CLPTM1L: variants seen among roughly 807,000 people sequenced by gnomAD.
CLPTM1L encodes the protein lipid scramblase CLPTM1L.
CLPTM1L carries 38 observed loss-of-function variants against 70.9 expected under a neutral mutation model. The observed-to-expected ratio is 0.54, with a 90% confidence interval of 0.41 to 0.70. CLPTM1L has a LOEUF of 0.70. Among genes scored for constraint, CLPTM1L ranks in the 30% least tolerant of loss-of-function variants. The probability of loss-of-function intolerance (pLI) is 0.00; values close to 1 mark genes in which losing one functional copy is unlikely to be tolerated. For synonymous variants in CLPTM1L, 339 were observed against 299.9 expected, an observed-to-expected ratio of 1.13 and a Z score of -1.35; for missense variants, 652 against 705.9, an observed-to-expected ratio of 0.92 and a Z score of 0.87.
rs200514830 is a variant in CLPTM1L, at chr5:1,335,098, C to G, written c.755G>C (p.Trp252Ser). 6.2e-7 allele frequency: 1 copy of G among 1,613,620 alleles called. No individual in the cohort carries two copies. Among genetic ancestry groups the G allele is most frequent in the Non-Finnish European group, 8.5e-7 (1 of 1,180,022 alleles). ...DKVSLGRLRF[W>S]IHMQDAVYSL... ...GTACACGGCGTCCTGCATGTGGATC[C>G]AGAAGCGCAGCCGCCCCAGTGAGAC... Residue 252 changes from tryptophan to serine, a missense_variant, in exon 6 of 17, where the codon TGG (tryptophan) becomes TCG (serine). Physicochemically the swap from Trp to Ser is radical, Grantham distance 177 (BLOSUM62 -3). Around this residue, in one of 3 missense-constraint regions of CLPTM1L, gnomAD observed 402 missense variants for 388.2 expected, o/e 1.04. Transcript: ENST00000320895.
intron 8 of CLPTM1L, 107 bp downstream of exon 8, chr5:1,331,692 C>T (rs1753101607): frequency 2.8e-5 from 27 of 948,670 alleles, no homozygotes; most frequent in South Asian, 4.0e-5. Flanking sequence ...AGCACACACC[C>T]GGGGCTGTGT....
At chr5:1,326,541 C>T (rs1436753267) in intron 9 of CLPTM1L, 1 of 256,418 alleles carries the variant, frequency 3.9e-6, no homozygotes, top group African/African-American at 2.4e-5. Flanking sequence ...ACATTTCATC[C>T]AGCTCCTCCT....
At position 1,318,489 on chromosome 5, in the gene CLPTM1L, A is replaced by C; in HGVS notation, c.1533-36T>G. The C allele has an allele frequency of 1.3e-6, 2 of 1,531,972 alleles. No homozygotes were observed. Among genetic ancestry groups the C allele is most frequent in the Non-Finnish European group, 1.8e-6 (2 of 1,108,738 alleles). The allele number at this position is 1,531,972 out of a possible 1,614,324, so 94.9% of individuals were successfully genotyped here. A position where few individuals can be genotyped will look rare whatever the true frequency, so the allele number is the denominator to read the frequency against. On this transcript the variant is annotated intron_variant, in intron 16 of 16. Coordinates refer to ENST00000320895, the MANE Select transcript of CLPTM1L (RefSeq NM_030782.5). This position sits in a 1 kb window ranked among gnomAD's most constrained non-coding sequence, Gnocchi z 8.9. The stretch of plus-strand genomic sequence containing the variant: ...ACAAATGAGCACATCAGCAAACCCC[A>C]CTGCAGGGGCTATTTTTCTAAGAGG...
At chr5:1,343,765 A>G (rs1007943907) in intron 2 of CLPTM1L, among the ~76,000 whole-genome samples, 11 of 152,108 alleles carry the variant, frequency 7.2e-5, no homozygotes, top group African/African-American at 2.7e-4. Flanking sequence ...CTCCTCAGAT[A>G]CCTCCCAGGC....
chr5:1,320,037 C>T (rs956538789), intron 16 of CLPTM1L, among the ~76,000 whole-genome samples: 9 of 152,290 alleles, frequency 5.9e-5, no homozygotes, highest in Admixed American at 2.0e-4. Flanking sequence ...TTCCGAGGCC[C>T]GGGGTGGGGC....
Position 1,344,919 on chromosome 5 carries a change from C to T in CLPTM1L, c.-78G>A. The T allele has an allele frequency of 9.4e-6, 8 of 851,228 alleles. No homozygotes were observed. Among genetic ancestry groups the T allele is most frequent in the Non-Finnish European group, 1.1e-5 (8 of 712,824 alleles). The allele number at this position is 851,228 out of a possible 1,614,324, so 52.7% of individuals were successfully genotyped here. ...CGCCCGCCCGGCGCCCAGCCCGCCG[C>T]TCCGGGCTCCGCCGCTCACTGGAGA... On this transcript the variant is annotated 5_prime_UTR_variant, in exon 1 of 17. Coordinates refer to ENST00000320895, the MANE Select transcript of CLPTM1L (RefSeq NM_030782.5).
intron 8 of CLPTM1L, chr5:1,331,319 C>T (rs1431033424): frequency 6.1e-6 from 1 of 165,054 alleles, no homozygotes. Flanking sequence ...CTGCCTGTCA[C>T]TGCTGGGCAC....
At chr5:1,327,404 C>CCATCCAGCTCCTCCTCTACAGACACATTT (rs1752673809) in intron 9 of CLPTM1L, among the ~76,000 whole-genome samples, 1 of 139,440 alleles carries the variant, frequency 7.2e-6, no homozygotes, top group African/African-American at 2.7e-5. Flanking sequence ...CAGGCACATT[C>CCATCCAGCTCCTCCTCTACAGACACATTT]CATCCAGCTC....
chr5:1,321,706 C>A, intron 14 of CLPTM1L, 27 bp from the exon 15 acceptor site: 2 of 1,614,052 alleles, frequency 1.2e-6, no homozygotes, highest in Non-Finnish European at 1.7e-6. Context: ...AGGCCCAGGT[C>A]AGCTGTGGGC....
chr5:1,329,218 C>T (rs575523652), intron 9 of CLPTM1L, among the ~76,000 whole-genome samples: 2 of 152,374 alleles, frequency 1.3e-5, no homozygotes, highest in South Asian at 2.1e-4. Flanking sequence ...CCCTTTTGGC[C>T]GGCTTTTCTG....
Position 1,320,750 on chromosome 5 carries a change from G to A in CLPTM1L, c.1417-19C>T, listed in dbSNP as rs1367834787. On this transcript the variant is annotated intron_variant, in intron 15 of 16. Coordinates refer to ENST00000320895, the MANE Select transcript of CLPTM1L (RefSeq NM_030782.5). ...TGAAAGCCTGCAGGGCCAGACGGGA[G>A]GAGGGTGAACCCCAGTTGCTGGGGC... 8 of 1,443,090 alleles carry A rather than the reference G, an allele frequency of 5.5e-6. No homozygotes were observed. Among genetic ancestry groups the A allele is most frequent in the Admixed American group, 2.1e-5 (1 of 48,030 alleles). The allele number at this position is 1,443,090 out of a possible 1,614,324, so 89.4% of individuals were successfully genotyped here. A position where few individuals can be genotyped will look rare whatever the true frequency, so the allele number is the denominator to read the frequency against.
chr5:1,321,923 T>C (rs903480062), intron 13 of CLPTM1L, 104 bp from the exon 14 acceptor site: 28 of 1,017,530 alleles, frequency 2.8e-5, no homozygotes, highest in African/African-American at 4.8e-5. Flanking sequence ...GCCACGTCTA[T>C]GCATAGTGGG....
At chr5:1,344,639 C>T (rs1754161165) in intron 1 of CLPTM1L, 41 bp downstream of exon 1, 2 of 1,539,064 alleles carry the variant, frequency 1.3e-6, no homozygotes, top group Non-Finnish European at 1.8e-6. Flanking sequence ...GGAGAGGCCC[C>T]CACCCCAACC....
intron 7 of CLPTM1L, 152 bp downstream of exon 7, chr5:1,334,137 G>A: frequency 1.8e-6 from 1 of 567,996 alleles, no homozygotes. Flanking sequence ...CCTGGTGTCA[G>A]GCGTGCTGGC....
In CLPTM1L at chr5:1,341,672, T is replaced by G; in HGVS notation, c.452A>C (p.Gln151Pro). The stretch of plus-strand genomic sequence containing the variant: ...TCAGTAACCCATGAAGACCCTCACC[T>G]GTGTATCAGACTCCCCGGTGAGCAG... ...INLLTGESDT[Q>P]QIEAEKKPTS... The change falls in exon 3 of 17, where the codon CAG becomes CCG. Residue 151 changes from glutamine (Q) to proline (P), a missense_variant and splice_region_variant. Coordinates refer to ENST00000320895, the MANE Select transcript of CLPTM1L (RefSeq NM_030782.5). 6.2e-7 allele frequency: 1 copy of G among 1,602,222 alleles called. No individual in the cohort carries two copies. The highest frequency in any genetic ancestry group is 1.1e-5 in the South Asian group (1 of 90,630).
intron 5 of CLPTM1L, among the ~76,000 whole-genome samples, chr5:1,336,532 C>T (rs959459022): frequency 4.6e-5 from 7 of 152,220 alleles, no homozygotes; most frequent in Non-Finnish European, 4.4e-5. Context: ...AAGGAGTCAG[C>T]GGCATGAGGC....
intron 4 of CLPTM1L, 133 bp downstream of exon 4, chr5:1,338,727 C>G: frequency 1.0e-6 from 1 of 989,488 alleles, no homozygotes; most frequent in Non-Finnish European, 1.5e-6. Flanking sequence ...TGGGAAAGAG[C>G]TGGGAGGCCC....
rs769592833 is a variant in CLPTM1L, at chr5:1,318,384, C to T, written c.1602G>A (p.Ala534=). Residue 534 remains alanine, a synonymous_variant, in exon 17 of 17, where the codon GCG becomes GCA. Coordinates refer to ENST00000320895, the MANE Select transcript of CLPTM1L (RefSeq NM_030782.5). This position sits in a 1 kb window ranked among gnomAD's most constrained non-coding sequence, Gnocchi z 8.9. ...CGGGCGGCCTTCAGTCCGTGTGGGG[C>T]GCCCGCGTGGCCTTCTCCTCGTAGG... is the stretch of plus-strand genomic sequence containing the variant. The part of the protein sequence containing the change: ...GESYEEKATR[A]PHTD 31 of 1,613,442 alleles carry T rather than the reference C, an allele frequency of 1.9e-5. No homozygotes were observed. In the Middle Eastern group the frequency reaches 8.2e-4, roughly 43 times the overall value.
chr5:1,332,734 G>A (rs1467834889), intron 7 of CLPTM1L, among the ~76,000 whole-genome samples: 1 of 152,212 alleles, frequency 6.6e-6, no homozygotes, highest in Admixed American at 6.5e-5. Flanking sequence ...ACACTGTCCT[G>A]TCCTGTTTCT....
Sources: allele counts gnomAD v4.1 joint callset (sites outside exome capture counted in the v4.1 genomes callset), GRCh38; gene constraint gnomAD v4.1.1; regional missense constraint gnomAD v4.1.1; non-coding constraint Gnocchi (gnomAD v3.1); transcripts MANE v1.5; gene names NCBI Gene and HGNC (gene_info 2026-07-23, HGNC 2026-07-21).